Variants in RUFY3 observed in about 807,000 individuals in gnomAD.
RUFY3 encodes the protein RUN and FYVE domain containing 3, also known as protein RUFY3.
A neutral mutation model predicts 84.0 loss-of-function variants in RUFY3; 34 were observed. The ratio of observed to expected loss-of-function variants is 0.40; its 90% CI spans 0.31 to 0.54. The LOEUF (loss-of-function observed/expected upper bound fraction) is 0.54. Ranked by LOEUF, RUFY3 falls within the 20% of genes least tolerant of loss-of-function variation. The probability of loss-of-function intolerance (pLI) is 0.39; values close to 1 mark genes in which losing one functional copy is unlikely to be tolerated. For synonymous variants in RUFY3, 242 were observed against 252.9 expected (o/e 0.96, Z 0.41); for missense variants, 507 against 736.8 (o/e 0.69, Z 3.61).
At chr4:70,782,792 A>C (rs1729160712) in intron 8 of RUFY3, among the ~76,000 whole-genome samples, 1 of 152,058 alleles carries the variant, frequency 6.6e-6, no homozygotes, top group South Asian at 2.1e-4. Flanking sequence ...GCATGCCTAT[A>C]GTCCCAGCTA....
chr4:70,708,384 C>G (rs558109480), intron 1 of RUFY3, among the ~76,000 whole-genome samples: 3 of 151,942 alleles, frequency 2.0e-5, no homozygotes, highest in Non-Finnish European at 4.4e-5. Flanking sequence ...AGGCTGCTCT[C>G]GAACTAGACT....
intron 1 of RUFY3, among the ~76,000 whole-genome samples, chr4:70,732,397 T>A (rs1404836779): frequency 2.6e-5 from 4 of 152,212 alleles, no homozygotes; most frequent in African/African-American, 7.2e-5. Context: ...GATTCCCTAT[T>A]ACTCCATAAA....
intron 8 of RUFY3, among the ~76,000 whole-genome samples, chr4:70,782,116 T>C (rs1729019993): frequency 6.6e-6 from 1 of 152,130 alleles, no homozygotes; most frequent in Admixed American, 6.5e-5. Context: ...ATAGAGCGTT[T>C]GTCACATGGG....
At chr4:70,727,627 A>T (rs1373458379) in intron 1 of RUFY3, among the ~76,000 whole-genome samples, 1 of 151,454 alleles carries the variant, frequency 6.6e-6, no homozygotes, top group African/African-American at 2.4e-5. Context: ...AAGTGCTGGG[A>T]TTACAAAAAA....
At chr4:70,733,101 A>AG (rs1400706294) in intron 1 of RUFY3, among the ~76,000 whole-genome samples, 2 of 69,754 alleles carry the variant, frequency 2.9e-5, no homozygotes, top group African/African-American at 1.8e-4. Context: ...GAGAGGAGAG[A>AG]GAGAGAGAGA....
At chr4:70,719,651 C>A (rs75558792), upstream of RUFY3, among the ~76,000 whole-genome samples, 1,808 of 152,228 alleles carry the variant, frequency 0.012, 33 homozygotes, top group African/African-American at 0.041. Context: ...TGACTACTTA[C>A]TATGTTTTGA....
intron 1 of RUFY3, among the ~76,000 whole-genome samples, chr4:70,710,506 A>G (rs1429680630): frequency 4.0e-5 from 6 of 151,686 alleles, no homozygotes; most frequent in African/African-American, 1.2e-4. Flanking sequence ...CCCTGTCTCT[A>G]CTAAAAATAC....
intron 13 of RUFY3, among the ~76,000 whole-genome samples, chr4:70,794,234 A>G (rs2148808748): frequency 6.6e-6 from 1 of 152,272 alleles, no homozygotes; most frequent in South Asian, 2.1e-4. Context: ...AACTCTCCTA[A>G]TATCTTCATA....
At chr4:70,790,041 C>G in intron 12 of RUFY3, 1 of 287,134 alleles carries the variant, frequency 3.5e-6, no homozygotes, top group Non-Finnish European at 5.2e-6. Context: ...GGATCTTTCT[C>G]TCCCTTCTTT....
At chr4:70,706,052 G>C (rs1740303156) in intron 1 of RUFY3, among the ~76,000 whole-genome samples, 1 of 152,160 alleles carries the variant, frequency 6.6e-6, no homozygotes, top group Non-Finnish European at 1.5e-5. Flanking sequence ...ACTCCGTGCT[G>C]TATTTTTTAT....
At chr4:70,746,069 C>T (rs897417726) in intron 1 of RUFY3, among the ~76,000 whole-genome samples, 4 of 151,334 alleles carry the variant, frequency 2.6e-5, no homozygotes, top group African/African-American at 7.3e-5. Flanking sequence ...ATTGGCGGGG[C>T]GTGGTGGCTC....
Position 70,722,573 on chromosome 4 carries a change from C to T in RUFY3, c.-1C>T. On this transcript the variant is annotated 5_prime_UTR_variant, in exon 1 of 18. Coordinates refer to ENST00000381006, the MANE Select transcript of RUFY3 (RefSeq NM_001037442.4). ...TGTGTTGTGGTCCCAGCTGAGTCAT[C>T]ATGTCTGCTCTGACGCCTCCGACCG... 1 of 1,611,610 alleles carries T rather than the reference C, an allele frequency of 6.2e-7. No individual in the cohort carries two copies. Among genetic ancestry groups the T allele is most frequent in the Non-Finnish European group, 8.5e-7 (1 of 1,179,084 alleles).
At chr4:70,783,487 A>AGTTTATAG in intron 9 of RUFY3, among the ~76,000 whole-genome samples, 1 of 152,352 alleles carries the variant, frequency 6.6e-6, no homozygotes, top group South Asian at 2.1e-4. Flanking sequence ...TGTTAAACAT[A>AGTTTATAG]CTATTACTTT....
At chr4:70,740,610 A>G (rs1416618967) in intron 1 of RUFY3, among the ~76,000 whole-genome samples, 4 of 152,238 alleles carry the variant, frequency 2.6e-5, no homozygotes, top group Admixed American at 6.5e-5. Flanking sequence ...CTGTAAAGTA[A>G]TAATGTGGAT....
At chr4:70,790,695 G>T (rs1308364648) in intron 12 of RUFY3, among the ~76,000 whole-genome samples, 1 of 152,168 alleles carries the variant, frequency 6.6e-6, no homozygotes, top group African/African-American at 2.4e-5. Context: ...TCCGATGCGA[G>T]TGTAAGCTCC....
chr4:70,731,403 C>T lies in RUFY3; in HGVS notation c.178+8652C>T, dbSNP rs1577986971. Among the ~76,000 whole-genome samples the T allele has an allele frequency of 2.0e-5, 3 of 152,222 alleles. No individual in the cohort carries two copies. In the Middle Eastern group the frequency reaches 0.01, roughly 518 times the overall value. Reference sequence around the variant, plus strand: ...CCACATGTTTTCTTTTTCCTCTTTTCACTCACTTTTATAAAGTAAATGAAA... The same window carrying T: ...CCACATGTTTTCTTTTTCCTCTTTTTACTCACTTTTATAAAGTAAATGAAA... On this transcript the variant is annotated intron_variant, in intron 1 of 17. Coordinates refer to ENST00000381006, the MANE Select transcript of RUFY3 (RefSeq NM_001037442.4).
At position 70,741,344 on chromosome 4, in the gene RUFY3, G is replaced by A. The variant is rs138577289; in HGVS notation, c.178+18593G>A. On this transcript the variant is annotated intron_variant, in intron 1 of 17. Transcript: ENST00000381006. ...TGATTTTCAATAGAAAAATAAATCT[G>A]TGTTGCTTTTTAATAGGATATGCAT... 1.3e-4 allele frequency among the ~76,000 whole-genome samples: 20 copies of A among 152,220 alleles called. No homozygotes were observed. In the East Asian group the frequency reaches 3.7e-3, roughly 28 times the overall value.
At chr4:70,709,953 A>G (rs1363148856) in intron 1 of RUFY3, among the ~76,000 whole-genome samples, 2 of 152,226 alleles carry the variant, frequency 1.3e-5, no homozygotes, top group Non-Finnish European at 2.9e-5. Flanking sequence ...CTAGAAGAGG[A>G]ATAGAAGAAA....
At position 70,736,137 on chromosome 4, in the gene RUFY3, G is replaced by A. The variant is rs528805845; in HGVS notation, c.178+13386G>A. 1.1e-4 allele frequency among the ~76,000 whole-genome samples: 15 copies of A among 142,530 alleles called. No individual in the cohort carries two copies. In the South Asian group the frequency reaches 3.3e-3, roughly 32 times the overall value. The allele number at this position is 142,530 out of a possible 152,430, so 93.5% of individuals were successfully genotyped here. ...CCACAGTGCTCCACTGGGTGGCAGAGTTCAGACCCTGTCTCAAAAAAAAAA... is the reference window on the plus strand; with the variant it reads ...CCACAGTGCTCCACTGGGTGGCAGAATTCAGACCCTGTCTCAAAAAAAAAA... On this transcript the variant is annotated intron_variant, in intron 1 of 17. Coordinates refer to ENST00000381006, the MANE Select transcript of RUFY3 (RefSeq NM_001037442.4).
Sources: allele counts gnomAD v4.1 joint callset (sites outside exome capture counted in the v4.1 genomes callset), GRCh38; gene constraint gnomAD v4.1.1; transcripts MANE v1.5; gene names NCBI Gene and HGNC (gene_info 2026-07-23, HGNC 2026-07-21).